The following AUTS2 variants were observed in gnomAD, a reference collection of about 807,000 sequenced individuals.
AUTS2 encodes the protein autism susceptibility gene 2 protein.
AUTS2 carries 17 observed loss-of-function variants against 112.4 expected under a neutral mutation model. The observed-to-expected ratio is 0.15, with a 90% CI of 0.10 to 0.23. The LOEUF (loss-of-function observed/expected upper bound fraction) is 0.23, where lower values mean the gene tolerates loss of function less well. Ranked by LOEUF, AUTS2 falls within the 10% of genes least tolerant of loss-of-function variation. The pLI, the probability that AUTS2 is intolerant of heterozygous loss-of-function variation, is 1.00. For missense variants in AUTS2, 1,510 were observed against 1,701.6 expected (o/e 0.89, Z 1.98); for synonymous variants, 751 against 702.7 (o/e 1.07, Z -1.09).
chr7:70,118,204 C>T lies in AUTS2; in HGVS notation c.595C>T (p.Arg199Trp), dbSNP rs139132240. The T allele has an allele frequency of 1.7e-5, 28 of 1,603,458 alleles. No homozygotes were observed. The highest frequency in any genetic ancestry group is 2.3e-5 in the East Asian group (1 of 44,286). ...CAGTGGAGAATCCAAGGGCTTCCACCGGAGCAGCTCTCGGGAAAGGCTCAG... is the reference window on the plus strand; with the variant it reads ...CAGTGGAGAATCCAAGGGCTTCCACTGGAGCAGCTCTCGGGAAAGGCTCAG... ...SASGESKGFH[R>W]SSSRERLSDS... is the part of the protein sequence containing the mutation. Residue 199 changes from arginine to tryptophan, a missense_variant, in exon 3 of 19, where the codon CGG becomes TGG. This residue lies in a region of AUTS2 where 535 missense variants were observed against 594.3 expected (regional missense o/e 0.90). Transcript: ENST00000342771.
chr7:70,306,550 T>C (rs977412843), intron 4 of AUTS2, among the ~76,000 whole-genome samples: 2 of 152,222 alleles, frequency 1.3e-5, no homozygotes, highest in African/African-American at 4.8e-5. Context: ...GTATTGTCTA[T>C]TGAAGTGAAA....
intron 4 of AUTS2, among the ~76,000 whole-genome samples, chr7:70,435,266 G>A (rs371858949): frequency 7.2e-5 from 11 of 152,204 alleles, no homozygotes; most frequent in Non-Finnish European, 7.3e-5. Flanking sequence ...TGACTACAAC[G>A]CCCAGAGGTT....
intron 5 of AUTS2, among the ~76,000 whole-genome samples, chr7:70,617,666 G>GAAA (rs71531712): frequency 1.4e-3 from 203 of 148,652 alleles, no homozygotes; most frequent in Middle Eastern, 3.4e-3. Context: ...CTGTCTCAGA[G>GAAA]AAAAAAAAAA....
At chr7:69,675,522 T>G (rs1011686908) in intron 1 of AUTS2, among the ~76,000 whole-genome samples, 1 of 148,684 alleles carries the variant, frequency 6.7e-6, no homozygotes, top group Admixed American at 6.7e-5. Context: ...TTTTTTTTTT[T>G]TTTTGAGATG....
chr7:70,650,716 T>C (rs1403229052), intron 5 of AUTS2, among the ~76,000 whole-genome samples: 1 of 152,264 alleles, frequency 6.6e-6, no homozygotes. Context: ...CATTTACCTC[T>C]ACATATCTCC....
intron 2 of AUTS2, among the ~76,000 whole-genome samples, chr7:69,969,279 A>T (rs1372751553): frequency 6.6e-6 from 1 of 152,200 alleles, no homozygotes; most frequent in East Asian, 1.9e-4. Flanking sequence ...AAAAAGAAGG[A>T]GAACGTTAAG....
At chr7:70,712,497 C>T (rs918943356) in intron 6 of AUTS2, among the ~76,000 whole-genome samples, 2 of 151,996 alleles carry the variant, frequency 1.3e-5, no homozygotes, top group African/African-American at 4.8e-5. Context: ...GGGTCTAGAC[C>T]GGTGGTTCTC....
At chr7:70,628,298 T>A (rs1805058750) in intron 5 of AUTS2, among the ~76,000 whole-genome samples, 1 of 104,296 alleles carries the variant, frequency 9.6e-6, no homozygotes, top group Non-Finnish European at 2.0e-5. Context: ...CTTTGTTCCT[T>A]TTTTAATTTG....
At chr7:69,792,838 G>A (rs1789676208) in intron 1 of AUTS2, among the ~76,000 whole-genome samples, 1 of 152,046 alleles carries the variant, frequency 6.6e-6, no homozygotes, top group South Asian at 2.1e-4. Flanking sequence ...ATTAGGTAGG[G>A]GTGGGAGAGG....
chr7:69,710,139 C>G (rs1798249807), intron 1 of AUTS2, among the ~76,000 whole-genome samples: 1 of 152,144 alleles, frequency 6.6e-6, no homozygotes, highest in South Asian at 2.1e-4. Flanking sequence ...AAATAAGTCC[C>G]TTAATTCCCA....
chr7:69,664,787 A>G (rs1430976862), intron 1 of AUTS2, among the ~76,000 whole-genome samples: 1 of 152,204 alleles, frequency 6.6e-6, no homozygotes, highest in Admixed American at 6.5e-5. Context: ...ATAACATGGC[A>G]AGAATACATT....
At chr7:69,802,917 C>T (rs2129339281) in intron 1 of AUTS2, among the ~76,000 whole-genome samples, 1 of 152,328 alleles carries the variant, frequency 6.6e-6, no homozygotes, top group South Asian at 2.1e-4. Context: ...GACAGTTCTT[C>T]AGAGAATTGT....
chr7:70,072,692 G>A (rs1802831796), intron 2 of AUTS2, among the ~76,000 whole-genome samples: 1 of 152,172 alleles, frequency 6.6e-6, no homozygotes, highest in Non-Finnish European at 1.5e-5. Flanking sequence ...TTGGCCTCCT[G>A]TTGGACACTG....
At chr7:70,060,146 G>T (rs764212174) in intron 2 of AUTS2, among the ~76,000 whole-genome samples, 1 of 152,100 alleles carries the variant, frequency 6.6e-6, no homozygotes, top group Non-Finnish European at 1.5e-5. Context: ...GGGACCATAG[G>T]TTTTAATAAC....
At chr7:69,862,856 G>A (rs1793052697) in intron 1 of AUTS2, among the ~76,000 whole-genome samples, 3 of 152,134 alleles carry the variant, frequency 2.0e-5, no homozygotes, top group Non-Finnish European at 4.4e-5. Context: ...ATTATCTGGA[G>A]TGAAAGCTGG....
chr7:69,785,352 T>C (rs1466831572), intron 1 of AUTS2, among the ~76,000 whole-genome samples: 1 of 152,258 alleles, frequency 6.6e-6, no homozygotes, highest in South Asian at 2.1e-4. Context: ...GACAGTCTTA[T>C]GTTGTAAGGG....
At chr7:70,316,307 C>T (rs1352782582) in intron 4 of AUTS2, among the ~76,000 whole-genome samples, 2 of 151,896 alleles carry the variant, frequency 1.3e-5, no homozygotes, top group Non-Finnish European at 2.9e-5. Context: ...CATCAATGGG[C>T]TGTCTTCTGC....
At chr7:69,733,933 C>T (rs750465251) in intron 1 of AUTS2, among the ~76,000 whole-genome samples, 3 of 152,058 alleles carry the variant, frequency 2.0e-5, no homozygotes, top group Non-Finnish European at 2.9e-5. Context: ...TAGTTCTCCA[C>T]GGGAAGGCTG....
At chr7:70,165,887 C>T (rs768455877) in intron 4 of AUTS2, among the ~76,000 whole-genome samples, 5 of 152,104 alleles carry the variant, frequency 3.3e-5, no homozygotes, top group Admixed American at 6.5e-5. Flanking sequence ...TTGTAATCCC[C>T]ACGTGTTGGA....
Sources: allele counts gnomAD v4.1 joint callset (sites outside exome capture counted in the v4.1 genomes callset), GRCh38; gene constraint gnomAD v4.1.1; regional missense constraint gnomAD v4.1.1; transcripts MANE v1.5; gene names NCBI Gene and HGNC (gene_info 2026-07-23, HGNC 2026-07-21).